CSMD3: variants seen among roughly 807,000 people sequenced by gnomAD.
The protein encoded by CSMD3 is CUB and Sushi multiple domains 3.
In CSMD3, 177 loss-of-function variants were observed where a neutral mutation model predicts 435.2. The ratio of observed to expected loss-of-function variants is 0.41; its 90% CI spans 0.36 to 0.46. The LOEUF is 0.46. Among genes scored for constraint, CSMD3 ranks in the 20% least tolerant of loss-of-function variants. The probability of loss-of-function intolerance (pLI) is 0.34; values close to 1 mark genes in which losing one functional copy is unlikely to be tolerated. For synonymous variants in CSMD3, 1,656 were observed against 1,520.5 expected, an observed-to-expected ratio of 1.09 and a Z score of -2.07; for missense variants, 4,265 against 4,504.6, an observed-to-expected ratio of 0.95 and a Z score of 1.52.
intron 24 of CSMD3, among the ~76,000 whole-genome samples, chr8:112,563,683 G>A (rs1279028222): frequency 6.6e-6 from 1 of 151,892 alleles, no homozygotes; most frequent in Non-Finnish European, 1.5e-5. Context: ...TCCAGAAATT[G>A]AATTTTATTA....
At chr8:113,175,805 C>A (rs995896714) in intron 3 of CSMD3, among the ~76,000 whole-genome samples, 2 of 151,950 alleles carry the variant, frequency 1.3e-5, no homozygotes, top group African/African-American at 2.4e-5. Context: ...TTAATCCACT[C>A]CTCTTCCTTC....
At chr8:113,291,558 A>G (rs1280988781) in intron 2 of CSMD3, among the ~76,000 whole-genome samples, 2 of 151,848 alleles carry the variant, frequency 1.3e-5, no homozygotes, top group Non-Finnish European at 2.9e-5. Flanking sequence ...AGGCTAGTAG[A>G]TAGACTTTTT....
chr8:113,220,322 G>A (rs190984632), intron 3 of CSMD3, among the ~76,000 whole-genome samples: 1 of 151,242 alleles, frequency 6.6e-6, no homozygotes, highest in Non-Finnish European at 1.5e-5. Context: ...TCTAGAACTA[G>A]GACAGGCCAG....
intron 20 of CSMD3, among the ~76,000 whole-genome samples, chr8:112,640,459 A>T (rs1339617134): frequency 1.3e-5 from 2 of 152,140 alleles, no homozygotes; most frequent in African/African-American, 2.4e-5. Context: ...TGAGACCAAA[A>T]CAAATGATTG....
intron 3 of CSMD3, among the ~76,000 whole-genome samples, chr8:113,183,856 A>G (rs1156417811): frequency 6.6e-6 from 1 of 152,022 alleles, no homozygotes; most frequent in African/African-American, 2.4e-5. Flanking sequence ...TCCGACACTA[A>G]AACAATGGGC....
intron 24 of CSMD3, among the ~76,000 whole-genome samples, chr8:112,570,506 C>A (rs1006701345): frequency 2.6e-5 from 4 of 152,044 alleles, no homozygotes; most frequent in African/African-American, 9.7e-5. Context: ...AATTGGTATC[C>A]AAAGTCAGTA....
chr8:112,444,512 T>C (rs1815381347), intron 32 of CSMD3, among the ~76,000 whole-genome samples: 2 of 152,190 alleles, frequency 1.3e-5, no homozygotes, highest in African/African-American at 4.8e-5. Flanking sequence ...AATGGGATAT[T>C]ACCCAGAAAT....
intron 5 of CSMD3, among the ~76,000 whole-genome samples, chr8:113,023,629 G>C (rs2086767136): frequency 6.6e-6 from 1 of 151,958 alleles, no homozygotes; most frequent in South Asian, 2.1e-4. Context: ...ACTTCGCTTT[G>C]AGGCTGAAAT....
chr8:112,867,673 A>G (rs2081022113), intron 10 of CSMD3, among the ~76,000 whole-genome samples: 1 of 152,154 alleles, frequency 6.6e-6, no homozygotes, highest in Non-Finnish European at 1.5e-5. Flanking sequence ...GTGTATCTAA[A>G]CATATCTAAA....
chr8:112,660,966 C>T (rs967502095), intron 17 of CSMD3, among the ~76,000 whole-genome samples: 2 of 152,032 alleles, frequency 1.3e-5, no homozygotes, highest in African/African-American at 4.8e-5. Flanking sequence ...TTGGTGATGT[C>T]CATGGGGAGA....
chr8:112,494,563 CTTTCTTTCT>C (rs1485441620), intron 30 of CSMD3, among the ~76,000 whole-genome samples: 2 of 91,604 alleles, frequency 2.2e-5, no homozygotes, highest in East Asian at 2.6e-4. Context: ...TTCTTTCTTT[CTTTCTTTCT>C]TTTCTTTCTT....
At chr8:112,890,409 A>G (rs1237576957) in intron 10 of CSMD3, among the ~76,000 whole-genome samples, 1 of 151,728 alleles carries the variant, frequency 6.6e-6, no homozygotes, top group Admixed American at 6.6e-5. Flanking sequence ...TTAACCTATA[A>G]TAGATACAAT....
chr8:113,055,581 G>A (rs1220865755), intron 5 of CSMD3, among the ~76,000 whole-genome samples: 3 of 152,210 alleles, frequency 2.0e-5, no homozygotes, highest in East Asian at 1.9e-4. Context: ...TTTCCCTTGA[G>A]CTTCAGACTT....
intron 32 of CSMD3, among the ~76,000 whole-genome samples, chr8:112,456,559 T>G (rs2130642824): frequency 6.6e-6 from 1 of 152,256 alleles, no homozygotes; most frequent in Admixed American, 6.5e-5. Flanking sequence ...ATCATATTTC[T>G]AAAATGTCAT....
chr8:112,254,188 G>T (rs1815562644), intron 63 of CSMD3, 65 bp downstream of exon 63: 1 of 1,046,820 alleles, frequency 9.6e-7, no homozygotes, highest in Non-Finnish European at 1.5e-6. Context: ...AAGATTATAT[G>T]CATATGAACC....
chr8:112,269,972 C>T (rs887408039), intron 59 of CSMD3, among the ~76,000 whole-genome samples: 1 of 152,166 alleles, frequency 6.6e-6, no homozygotes, highest in African/African-American at 2.4e-5. Flanking sequence ...GGAAACTTCT[C>T]CTTCCACCAC....
intron 38 of CSMD3, among the ~76,000 whole-genome samples, chr8:112,363,024 A>T (rs1441419710): frequency 6.6e-6 from 1 of 152,014 alleles, no homozygotes; most frequent in Non-Finnish European, 1.5e-5. Context: ...TAACCAACAC[A>T]GGTATTTGAA....
intron 70 of CSMD3, among the ~76,000 whole-genome samples, chr8:112,226,585 G>C (rs945452489): frequency 6.6e-6 from 1 of 152,036 alleles, no homozygotes. Flanking sequence ...GGAAACTTTT[G>C]TACATCAAAG....
intron 3 of CSMD3, among the ~76,000 whole-genome samples, chr8:113,209,984 C>T (rs1470689902): frequency 4.1e-5 from 6 of 147,940 alleles, no homozygotes; most frequent in South Asian, 2.1e-4. Context: ...GAAACTAACC[C>T]GTTTTACTTC....
Sources: allele counts gnomAD v4.1 joint callset (sites outside exome capture counted in the v4.1 genomes callset), GRCh38; gene constraint gnomAD v4.1.1; transcripts MANE v1.5; gene names NCBI Gene and HGNC (gene_info 2026-07-23, HGNC 2026-07-21).